The following ENKUR variants were observed in gnomAD, a reference collection of about 807,000 sequenced individuals.
ENKUR encodes the protein enkurin, TRPC channel interacting protein.
ENKUR carries 19 observed loss-of-function variants against 27.6 expected under a neutral mutation model. That is an observed-to-expected ratio of 0.69 (90% CI 0.48 to 1.01). The LOEUF (loss-of-function observed/expected upper bound fraction) is 1.01, where lower values mean the gene tolerates loss of function less well. Ranked by LOEUF, ENKUR falls within the 50% of genes least tolerant of loss-of-function variation. The probability of loss-of-function intolerance (pLI) is 0.00; values close to 1 mark genes in which losing one functional copy is unlikely to be tolerated. For missense variants in ENKUR, 312 were observed against 310.5 expected, an observed-to-expected ratio of 1.00 and a Z score of -0.04; for synonymous variants, 117 against 96.9, an observed-to-expected ratio of 1.21 and a Z score of -1.22.
Position 24,984,322 on chromosome 10 carries a change from AT to A in ENKUR, c.*47del. 1 of 1,580,486 alleles carries A rather than the reference AT, an allele frequency of 6.3e-7. No homozygotes were observed. Among genetic ancestry groups the A allele is most frequent in the Non-Finnish European group, 8.6e-7 (1 of 1,164,114 alleles). On this transcript the variant is annotated 3_prime_UTR_variant, in exon 6 of 6. Transcript: ENST00000331161. ...GAGTAGCAAGAAGGCACGTGTTACT[AT>A]TTCCAGTTCAAAATACTTAACAGTT... is the stretch of plus-strand genomic sequence containing the variant.
intron 4 of ENKUR, among the ~76,000 whole-genome samples, chr10:24,989,951 TTAAGTC>T (rs982985006): frequency 1.3e-5 from 2 of 152,170 alleles, no homozygotes; most frequent in South Asian, 2.1e-4. Context: ...AAATATATCT[TTAAGTC>T]TATGTAATTA....
chr10:24,983,693 G>GA lies in ENKUR; in HGVS notation c.*676dup, dbSNP rs1379509005. 1 of 152,088 alleles carries GA rather than the reference G, an allele frequency of 6.6e-6. No individual in the cohort carries two copies. The highest frequency in any genetic ancestry group is 1.5e-5 in the Non-Finnish European group (1 of 68,000). The allele number at this position is 152,088 out of a possible 1,614,324, so 9.4% of individuals were successfully genotyped here. On this transcript the variant is annotated 3_prime_UTR_variant, in exon 6 of 6. Transcript: ENST00000331161. Reference sequence around the variant, plus strand: ...TAAGGCTTCCAAATTCTGTGTTTGTGAAAAAAGCCTGAAAGACTCCCATAT... The same window carrying GA: ...TAAGGCTTCCAAATTCTGTGTTTGTGAAAAAAAGCCTGAAAGACTCCCATAT...
At chr10:25,024,466 T>C (rs1484168551) in intron 2 of ENKUR, 2 of 1,614,152 alleles carry the variant, frequency 1.2e-6, no homozygotes. Context: ...AGTAAGTGAT[T>C]TTCAAAAAGC....
Position 24,997,514 on chromosome 10 carries a change from A to G in ENKUR, c.224-1645T>C, listed in dbSNP as rs1850091189. 2.0e-5 allele frequency among the ~76,000 whole-genome samples: 3 copies of G among 151,246 alleles called. No individual in the cohort carries two copies. The South Asian group carries it at 6.3e-4, about 32-fold the overall frequency. Reference sequence around the variant, plus strand: ...TGATCCTCCCACCTGAGCCTCCCATATAGCTGGGACCACAGATGTGCATCA... The same window carrying G: ...TGATCCTCCCACCTGAGCCTCCCATGTAGCTGGGACCACAGATGTGCATCA... On this transcript the variant is annotated intron_variant, in intron 2 of 5. Transcript: ENST00000331161.
At chr10:25,031,112 G>A (rs1050272260) in intron 2 of ENKUR, among the ~76,000 whole-genome samples, 25 of 152,300 alleles carry the variant, frequency 1.6e-4, no homozygotes, top group Non-Finnish European at 2.6e-4. Flanking sequence ...GTGAGACTCC[G>A]TCTCAAAAGT....
intron 2 of ENKUR, among the ~76,000 whole-genome samples, chr10:24,997,597 C>A (rs939041711): frequency 1.3e-5 from 2 of 151,946 alleles, no homozygotes; most frequent in Non-Finnish European, 2.9e-5. Context: ...CTTTGTTGCT[C>A]AGGCTGGTCT....
chr10:25,055,190 C>T (rs1336458256), intron 2 of ENKUR, among the ~76,000 whole-genome samples: 1 of 152,146 alleles, frequency 6.6e-6, no homozygotes, highest in Non-Finnish European at 1.5e-5. Flanking sequence ...CCTTCCTTCT[C>T]ACTCCTCTCT....
intron 2 of ENKUR, among the ~76,000 whole-genome samples, chr10:25,027,837 G>T (rs1177141118): frequency 1.3e-5 from 2 of 152,104 alleles, no homozygotes; most frequent in Non-Finnish European, 2.9e-5. Context: ...AACAGAGCAA[G>T]ACTCTGTCTC....
intron 1 of ENKUR, among the ~76,000 whole-genome samples, chr10:25,008,023 G>T (rs1850355713): frequency 6.7e-6 from 1 of 148,814 alleles, no homozygotes. Flanking sequence ...AAATATATGA[G>T]ATATATAAGC....
intron 2 of ENKUR, among the ~76,000 whole-genome samples, chr10:25,053,647 A>G (rs1368050352): frequency 2.0e-5 from 3 of 152,138 alleles, no homozygotes; most frequent in Admixed American, 6.5e-5. Flanking sequence ...AATATTAACA[A>G]TATTACCTTC....
At chr10:25,020,248 A>G (rs1464308088), upstream of ENKUR, among the ~76,000 whole-genome samples, 1 of 135,112 alleles carries the variant, frequency 7.4e-6, no homozygotes, top group South Asian at 2.7e-4. Flanking sequence ...ATATATCTAT[A>G]TCTATATCTA....
intron 4 of ENKUR, among the ~76,000 whole-genome samples, chr10:24,986,989 T>A (rs140722771): frequency 1.3e-5 from 2 of 152,320 alleles, no homozygotes; most frequent in Admixed American, 1.3e-4. Context: ...TTCAGTTTCA[T>A]GCTCCTTTTG....
chr10:25,007,040 T>C (rs1356016234), intron 1 of ENKUR, among the ~76,000 whole-genome samples: 4 of 152,218 alleles, frequency 2.6e-5, no homozygotes, highest in Non-Finnish European at 5.9e-5. Flanking sequence ...TGATAAAACG[T>C]TTAAAAATTG....
chr10:25,003,357 C>T (rs1200161807), intron 1 of ENKUR, among the ~76,000 whole-genome samples: 1 of 152,076 alleles, frequency 6.6e-6, no homozygotes, highest in East Asian at 1.9e-4. Flanking sequence ...CAGGCATGCA[C>T]CGCCATGCCT....
intron 2 of ENKUR, among the ~76,000 whole-genome samples, chr10:25,022,496 C>G (rs940352828): frequency 6.6e-6 from 1 of 152,092 alleles, no homozygotes; most frequent in African/African-American, 2.4e-5. Flanking sequence ...CTTTTTAAAG[C>G]CTTCAATATG....
chr10:24,991,661 A>G (rs1204093935), intron 3 of ENKUR, among the ~76,000 whole-genome samples: 1 of 152,184 alleles, frequency 6.6e-6, no homozygotes, highest in Admixed American at 6.5e-5. Context: ...CCATCTGCTG[A>G]AGCTACTTCC....
At chr10:25,025,317 C>T in intron 2 of ENKUR, 1 of 1,614,158 alleles carries the variant, frequency 6.2e-7, no homozygotes, top group Non-Finnish European at 8.5e-7. Flanking sequence ...TGGGTTCATA[C>T]AATGCATTAC....
chr10:24,994,394 C>G (rs990943680), intron 3 of ENKUR, among the ~76,000 whole-genome samples: 1 of 149,708 alleles, frequency 6.7e-6, no homozygotes, highest in East Asian at 2.0e-4. Context: ...AGTGCAGTGA[C>G]GCGACCTTGG....
At chr10:25,060,249 C>T (rs527756071) in intron 2 of ENKUR, among the ~76,000 whole-genome samples, 34 of 152,168 alleles carry the variant, frequency 2.2e-4, no homozygotes, top group African/African-American at 7.0e-4. Context: ...GCAAGCAGAC[C>T]GGGCGCCAGG....
Sources: gnomAD v4.1 joint callset for allele counts (sites outside exome capture counted in the v4.1 genomes callset) on GRCh38, gnomAD v4.1.1 for gene constraint, MANE v1.5 for transcripts, NCBI Gene and HGNC (gene_info 2026-07-23, HGNC 2026-07-21) for gene names.